CACNA2D1: variants seen among roughly 807,000 people sequenced by gnomAD.
The protein encoded by CACNA2D1 is calcium voltage-gated channel auxiliary subunit alpha2delta 1.
Under a neutral mutation model 171.5 loss-of-function variants are expected in CACNA2D1, and 53 were observed. The observed-to-expected ratio is 0.31, with a 90% CI of 0.25 to 0.39. The LOEUF (loss-of-function observed/expected upper bound fraction) is 0.39. CACNA2D1 is among the 10% of genes least tolerant of loss of function. CACNA2D1 has a pLI of 1.00. For synonymous variants in CACNA2D1, 442 were observed against 443.1 expected, an observed-to-expected ratio of 1.00 and a Z score of 0.03; for missense variants, 903 against 1,299.8, an observed-to-expected ratio of 0.69 and a Z score of 4.69.
At chr7:82,269,966 G>A (rs1376438390) in intron 3 of CACNA2D1, among the ~76,000 whole-genome samples, 1 of 152,062 alleles carries the variant, frequency 6.6e-6, no homozygotes, top group Non-Finnish European at 1.5e-5. Flanking sequence ...GTAACAGCAA[G>A]CAGCATTGGA....
intron 3 of CACNA2D1, among the ~76,000 whole-genome samples, chr7:82,207,224 G>A (rs1214293293): frequency 6.6e-6 from 1 of 152,182 alleles, no homozygotes; most frequent in Non-Finnish European, 1.5e-5. Flanking sequence ...CCCTGGCTGA[G>A]CACATGATCG....
intron 2 of CACNA2D1, among the ~76,000 whole-genome samples, chr7:82,342,140 C>G (rs533521702): frequency 6.7e-6 from 1 of 149,404 alleles, no homozygotes; most frequent in Admixed American, 6.7e-5. Flanking sequence ...TTTCTTTTCC[C>G]TATAACCTAG....
chr7:82,254,148 C>A (rs1805993762), intron 3 of CACNA2D1, among the ~76,000 whole-genome samples: 1 of 152,110 alleles, frequency 6.6e-6, no homozygotes, highest in Admixed American at 6.5e-5. Flanking sequence ...CCCAATCCAT[C>A]TCCGCAATTT....
intron 15 of CACNA2D1, 138 bp downstream of exon 15, chr7:82,012,016 A>G: frequency 2.9e-6 from 2 of 679,606 alleles, no homozygotes. Context: ...TATAAATTCT[A>G]GGAAAGAAGT....
intron 3 of CACNA2D1, among the ~76,000 whole-genome samples, chr7:82,288,892 T>C (rs1182525354): frequency 1.3e-5 from 2 of 152,170 alleles, no homozygotes; most frequent in Non-Finnish European, 2.9e-5. Context: ...CAAAGTGTTA[T>C]GACAGTCATA....
At chr7:81,997,441 T>C (rs531968969) in intron 18 of CACNA2D1, among the ~76,000 whole-genome samples, 191 bp from the exon 19 acceptor site, 5 of 150,842 alleles carry the variant, frequency 3.3e-5, no homozygotes, top group African/African-American at 1.2e-4. Context: ...GATTGAGCTT[T>C]AAGTGCAGGA....
At chr7:82,202,287 G>A (rs1247961350) in intron 3 of CACNA2D1, among the ~76,000 whole-genome samples, 1 of 152,140 alleles carries the variant, frequency 6.6e-6, no homozygotes, top group Admixed American at 6.5e-5. Context: ...TTCCTCAAGT[G>A]TTCTTTCAGC....
chr7:82,127,990 A>G (rs887984172), intron 5 of CACNA2D1, among the ~76,000 whole-genome samples: 2 of 152,022 alleles, frequency 1.3e-5, no homozygotes, highest in Non-Finnish European at 2.9e-5. Context: ...GTGGCACAAT[A>G]TCAGCTCACT....
rs112931958 is a variant in CACNA2D1 at position 82,021,748 on chromosome 7, A to C, written c.1144-7269T>G. Among the ~76,000 whole-genome samples the C allele has an allele frequency of 8.3e-3, 1,266 of 152,184 alleles. 17 individuals are homozygous for C. The highest frequency in any genetic ancestry group is 0.029 in the African/African-American group (1,210 of 41,560). On this transcript the variant is annotated intron_variant, in intron 12 of 38. Coordinates refer to ENST00000356860, the MANE Select transcript of CACNA2D1 (RefSeq NM_000722.4). ...ATGGTAATCTGAGGGAAAGAAGACC[A>C]GGAAGAAAGAGGGTGCTGAAATAGA... is the stretch of plus-strand genomic sequence containing the variant.
intron 15 of CACNA2D1, 80 bp from the exon 16 acceptor site, chr7:82,007,836 G>T: frequency 2.5e-6 from 2 of 796,488 alleles, no homozygotes; most frequent in South Asian, 2.9e-5. Context: ...TTTGATATCT[G>T]AGATTGCATT....
chr7:82,267,957 A>G (rs539294224), intron 3 of CACNA2D1, among the ~76,000 whole-genome samples: 5 of 152,320 alleles, frequency 3.3e-5, no homozygotes, highest in African/African-American at 9.6e-5. Flanking sequence ...AGATCGCACC[A>G]TTGCACTCCA....
intron 1 of CACNA2D1, among the ~76,000 whole-genome samples, chr7:82,397,540 C>T (rs910349143): frequency 4.6e-5 from 7 of 152,160 alleles, no homozygotes; most frequent in African/African-American, 1.7e-4. Flanking sequence ...ATACAGAAGT[C>T]TATGCTGACA....
chr7:82,113,743 C>G (rs1435289099), intron 6 of CACNA2D1, among the ~76,000 whole-genome samples: 1 of 152,178 alleles, frequency 6.6e-6, no homozygotes, highest in Non-Finnish European at 1.5e-5. Context: ...TTCCCACACA[C>G]CACATGAAGA....
chr7:82,170,428 G>T, intron 4 of CACNA2D1, 122 bp downstream of exon 4: 2 of 882,120 alleles, frequency 2.3e-6, no homozygotes, highest in Admixed American at 1.8e-5. Context: ...CAACAAGTAT[G>T]ATTATTTTTA....
At chr7:82,092,397 A>T (rs1038417066) in intron 6 of CACNA2D1, among the ~76,000 whole-genome samples, 6 of 151,908 alleles carry the variant, frequency 3.9e-5, no homozygotes, top group Non-Finnish European at 8.8e-5. Context: ...CTTGAGACAG[A>T]GTCTCATTCT....
intron 3 of CACNA2D1, among the ~76,000 whole-genome samples, chr7:82,228,461 T>C (rs1332836705): frequency 1.3e-5 from 2 of 152,196 alleles, no homozygotes; most frequent in Admixed American, 6.5e-5. Flanking sequence ...TTATACATCA[T>C]GGAAATGCAT....
chr7:82,293,339 C>G (rs983227484), intron 3 of CACNA2D1, among the ~76,000 whole-genome samples: 2 of 151,800 alleles, frequency 1.3e-5, no homozygotes, highest in African/African-American at 4.8e-5. Context: ...TCATTAAGTT[C>G]AAAGCTTTCT....
intron 5 of CACNA2D1, among the ~76,000 whole-genome samples, chr7:82,124,841 G>A (rs951345746): frequency 1.3e-5 from 2 of 151,862 alleles, no homozygotes; most frequent in East Asian, 3.9e-4. Flanking sequence ...CTTCATCAAT[G>A]TTTGATACCT....
chr7:82,025,707 G>A (rs1044539937), intron 12 of CACNA2D1, among the ~76,000 whole-genome samples: 5 of 151,636 alleles, frequency 3.3e-5, no homozygotes, highest in Admixed American at 2.0e-4. Context: ...GTGACCTAAC[G>A]TATGATCTAT....
Sources: allele counts gnomAD v4.1 joint callset (sites outside exome capture counted in the v4.1 genomes callset), GRCh38; gene constraint gnomAD v4.1.1; transcripts MANE v1.5; gene names NCBI Gene and HGNC (gene_info 2026-07-23, HGNC 2026-07-21).